The following NRG1 variants were observed in gnomAD, a reference collection of about 807,000 sequenced individuals.
NRG1 encodes neuregulin 1.
NRG1 carries 18 observed loss-of-function variants against 63.8 expected under a neutral mutation model. That is an observed-to-expected ratio of 0.28 (90% confidence interval 0.19 to 0.42). NRG1 has a LOEUF of 0.42. NRG1 is among the 10% of genes least tolerant of loss of function. The pLI is 1.00. For synonymous variants in NRG1, 302 were observed against 301.3 expected (o/e 1.00, Z -0.02); for missense variants, 762 against 814.7 (o/e 0.94, Z 0.79).
intron 1 of NRG1, among the ~76,000 whole-genome samples, chr8:32,306,963 G>A (rs1856258693): frequency 6.6e-6 from 1 of 152,104 alleles, no homozygotes; most frequent in Non-Finnish European, 1.5e-5. Context: ...TTAATAATGG[G>A]CAGCTTTTGA....
intron 1 of NRG1, among the ~76,000 whole-genome samples, chr8:32,252,083 T>C (rs928218056): frequency 4.5e-4 from 69 of 152,204 alleles, no homozygotes; most frequent in African/African-American, 1.6e-3. Flanking sequence ...TCCTTGTAGA[T>C]CCTGGATATT....
At chr8:31,856,708 GT>G (rs1321925457) in intron 1 of NRG1, among the ~76,000 whole-genome samples, 5 of 152,124 alleles carry the variant, frequency 3.3e-5, no homozygotes, top group African/African-American at 1.2e-4. Flanking sequence ...AGAGTTTCCA[GT>G]TTTTCTGCTC....
chr8:32,060,715 G>A (rs1479108592), intron 1 of NRG1, among the ~76,000 whole-genome samples: 2 of 151,796 alleles, frequency 1.3e-5, no homozygotes, highest in African/African-American at 4.8e-5. Context: ...TTTGTTTTCA[G>A]TCATATCTTT....
At chr8:32,584,455 A>G (rs1321780186) in intron 1 of NRG1, among the ~76,000 whole-genome samples, 1 of 152,174 alleles carries the variant, frequency 6.6e-6, no homozygotes, top group Non-Finnish European at 1.5e-5. Flanking sequence ...TGAAGAAGGG[A>G]TGCAGCGTTG....
intron 6 of NRG1, among the ~76,000 whole-genome samples, chr8:32,735,820 T>C (rs1011580701): frequency 1.3e-5 from 2 of 152,202 alleles, no homozygotes; most frequent in South Asian, 2.1e-4. Context: ...AAGAAGTTAA[T>C]TCACAAACAC....
chr8:31,917,538 G>A (rs1375168072), intron 1 of NRG1, among the ~76,000 whole-genome samples: 1 of 151,686 alleles, frequency 6.6e-6, no homozygotes, highest in Non-Finnish European at 1.5e-5. Context: ...TTATTTCTGA[G>A]GGCTCTGTTC....
intron 1 of NRG1, among the ~76,000 whole-genome samples, chr8:32,273,379 G>T (rs911576632): frequency 1.2e-4 from 19 of 152,100 alleles, no homozygotes; most frequent in Admixed American, 8.5e-4. Context: ...AAAATGTCAG[G>T]ATATCTTCCA....
chr8:32,332,768 CACCAG>C lies in NRG1; in HGVS notation c.38-263056_38-263052del, dbSNP rs375688937. 3.9e-3 allele frequency among the ~76,000 whole-genome samples: 594 copies of C among 152,280 alleles called. 3 individuals carry two copies. Among genetic ancestry groups the C allele is most frequent in the African/African-American group, 0.013 (545 of 41,562 alleles). ...TGGCTCCACAACAGGTGCAATTAAC[CACCAG>C]ACCGTGAGGCCTCTCTGTCATATGC... On this transcript the variant is annotated intron_variant, in intron 1 of 10. Coordinates refer to the NRG1 transcript ENST00000519301.
intron 6 of NRG1, among the ~76,000 whole-genome samples, chr8:32,738,768 A>T (rs1825707191): frequency 1.3e-5 from 2 of 152,178 alleles, no homozygotes. Context: ...TGCAGTTTGC[A>T]TATGCAGAAA....
intron 1 of NRG1, among the ~76,000 whole-genome samples, chr8:31,880,775 G>A (rs1227595134): frequency 6.6e-6 from 1 of 152,150 alleles, no homozygotes; most frequent in Non-Finnish European, 1.5e-5. Context: ...CCTGTTCATT[G>A]TTTTGCTATG....
chr8:31,696,856 G>GGT (rs1407706378), intron 1 of NRG1, among the ~76,000 whole-genome samples: 2 of 152,004 alleles, frequency 1.3e-5, no homozygotes, highest in Non-Finnish European at 1.5e-5. Flanking sequence ...AGTGTGCATA[G>GGT]GTGTGTGTGT....
intron 1 of NRG1, among the ~76,000 whole-genome samples, chr8:32,330,379 A>C (rs1263867134): frequency 1.3e-5 from 2 of 152,212 alleles, no homozygotes; most frequent in Non-Finnish European, 2.9e-5. Context: ...AGGTCTAGAG[A>C]GTTGCCTTAG....
chr8:32,048,450 T>C (rs1400969459), intron 1 of NRG1, among the ~76,000 whole-genome samples: 261 of 3,366 alleles, frequency 0.078, 5 homozygotes, highest in Non-Finnish European at 0.18. Context: ...TACATACATA[T>C]ATATATATAT....
At chr8:32,412,065 C>A (rs1434016979) in intron 1 of NRG1, among the ~76,000 whole-genome samples, 1 of 151,984 alleles carries the variant, frequency 6.6e-6, no homozygotes, top group African/African-American at 2.4e-5. Context: ...GATTCGTCTC[C>A]CCTATGTCAG....
intron 5 of NRG1, chr8:32,648,475 T>G: frequency 6.7e-7 from 1 of 1,485,178 alleles, no homozygotes; most frequent in African/African-American, 1.4e-5. Flanking sequence ...TCTTCTTGCA[T>G]TTTAGTTGCC....
intron 1 of NRG1, among the ~76,000 whole-genome samples, chr8:32,068,366 A>T (rs1327350311): frequency 6.6e-6 from 1 of 152,160 alleles, no homozygotes; most frequent in Non-Finnish European, 1.5e-5. Flanking sequence ...ATGACTTCAG[A>T]CTTAACCTGG....
Position 31,897,955 on chromosome 8 carries a change from T to G in NRG1, c.37+258524T>G, listed in dbSNP as rs568726905. Among the ~76,000 whole-genome samples the G allele has an allele frequency of 1.0e-3, 153 of 147,236 alleles. 1 individual carries two copies. The highest frequency in any genetic ancestry group is 3.6e-3 in the African/African-American group (143 of 39,702). ...TCACTTGAACCCCGGAGACAGAGGT[T>G]GCAATGAGCCGAGATCGCACCATTG... On this transcript the variant is annotated intron_variant, in intron 1 of 10. Coordinates refer to the NRG1 transcript ENST00000519301.
chr8:32,370,150 G>A (rs1338232815), intron 1 of NRG1, among the ~76,000 whole-genome samples: 1 of 152,176 alleles, frequency 6.6e-6, no homozygotes, highest in Non-Finnish European at 1.5e-5. Context: ...AAGCATTTTT[G>A]TTCATGTTAG....
chr8:32,237,493 T>A (rs1301104133), intron 1 of NRG1, among the ~76,000 whole-genome samples: 1 of 152,222 alleles, frequency 6.6e-6, no homozygotes, highest in Non-Finnish European at 1.5e-5. Flanking sequence ...TTTGAGGGTT[T>A]TTTTTTCCCC....
Sources: allele counts gnomAD v4.1 joint callset (sites outside exome capture counted in the v4.1 genomes callset), GRCh38; gene constraint gnomAD v4.1.1; transcripts MANE v1.5; gene names NCBI Gene and HGNC (gene_info 2026-07-23, HGNC 2026-07-21).